The following SDK2 variants were observed in gnomAD, a reference collection of about 807,000 sequenced individuals.
SDK2 encodes the protein sidekick cell adhesion molecule 2.
In SDK2, 105 loss-of-function variants were observed where a neutral mutation model predicts 253.9. That is an observed-to-expected ratio of 0.41 (90% CI 0.35 to 0.49). The LOEUF is 0.49. Among genes scored for constraint, SDK2 ranks in the 20% least tolerant of loss-of-function variants. The probability of loss-of-function intolerance (pLI) is 0.06; values close to 1 mark genes in which losing one functional copy is unlikely to be tolerated. For missense variants in SDK2, 2,608 were observed against 3,003.0 expected, an observed-to-expected ratio of 0.87 and a Z score of 3.07; for synonymous variants, 1,249 against 1,234.9, an observed-to-expected ratio of 1.01 and a Z score of -0.24.
chr17:73,392,563 C>T (rs1162583260), intron 27 of SDK2, among the ~76,000 whole-genome samples: 1 of 152,168 alleles, frequency 6.6e-6, no homozygotes, highest in African/African-American at 2.4e-5. Context: ...GCCACCACGC[C>T]CAGCCTGAGA....
chr17:73,419,301 G>C lies in SDK2; in HGVS notation c.2051C>G (p.Ser684Cys), dbSNP rs147914991. The change falls in exon 16 of 45, where the codon TCC (serine) becomes TGC (cysteine). Residue 684 changes from serine to cysteine, a missense_variant. Coordinates refer to ENST00000392650, the MANE Select transcript of SDK2 (RefSeq NM_001144952.2). ...GQFSKDTERV[S>C]LPEEPPTAPP... ...GGCCGTGGGGGGCTCCTCGGGGAGG[G>C]AGACCCTGGATCACAAAACACCAAT... 1 of 1,611,678 alleles carries C rather than the reference G, an allele frequency of 6.2e-7. No individual in the cohort carries two copies. Among genetic ancestry groups the C allele is most frequent in the Non-Finnish European group, 8.5e-7 (1 of 1,179,540 alleles).
intron 1 of SDK2, among the ~76,000 whole-genome samples, chr17:73,510,110 A>G (rs2063968973): frequency 2.0e-5 from 3 of 151,794 alleles, no homozygotes; most frequent in Admixed American, 1.3e-4. Flanking sequence ...CCCAGGACCC[A>G]GGTCTATCCT....
chr17:73,589,243 C>T (rs1164019091), intron 1 of SDK2, among the ~76,000 whole-genome samples: 1 of 152,282 alleles, frequency 6.6e-6, no homozygotes, highest in Non-Finnish European at 1.5e-5. Flanking sequence ...GATGAATGCA[C>T]GTGAGTGCAG....
chr17:73,605,716 G>A (rs913792376), intron 1 of SDK2, among the ~76,000 whole-genome samples: 4 of 151,950 alleles, frequency 2.6e-5, no homozygotes, highest in African/African-American at 9.7e-5. Context: ...CCTTGGCACC[G>A]GGATGACCTG....
chr17:73,579,206 C>T (rs1011624390), intron 1 of SDK2, among the ~76,000 whole-genome samples: 6 of 152,208 alleles, frequency 3.9e-5, no homozygotes, highest in South Asian at 4.1e-4. Flanking sequence ...ACTCATCCTC[C>T]GCAGTCTCCC....
At chr17:73,562,375 TG>T (rs2045248922) in intron 1 of SDK2, among the ~76,000 whole-genome samples, 2 of 151,952 alleles carry the variant, frequency 1.3e-5, no homozygotes, top group African/African-American at 4.9e-5. Context: ...TACTGAATTT[TG>T]GGAGCACCCC....
intron 8 of SDK2, 128 bp downstream of exon 8, chr17:73,437,611 C>A: frequency 1.2e-6 from 1 of 821,174 alleles, no homozygotes; most frequent in South Asian, 1.5e-5. Flanking sequence ...GCTCAGACAG[C>A]CAGACAGACT....
At chr17:73,540,858 G>T (rs2044857574) in intron 1 of SDK2, among the ~76,000 whole-genome samples, 1 of 152,232 alleles carries the variant, frequency 6.6e-6, no homozygotes, top group Admixed American at 6.5e-5. Flanking sequence ...GAAGGCAGGT[G>T]AGCACTTGAC....
intron 1 of SDK2, among the ~76,000 whole-genome samples, chr17:73,544,679 C>T (rs1054869465): frequency 3.3e-5 from 5 of 152,138 alleles, no homozygotes; most frequent in African/African-American, 9.7e-5. Context: ...AGATTCAAGT[C>T]GCATCATGTC....
chr17:73,340,685 G>GAA (rs773423245), intron 44 of SDK2, among the ~76,000 whole-genome samples: 68 of 128,484 alleles, frequency 5.3e-4, no homozygotes, highest in Admixed American at 1.3e-3. Context: ...CTAAGCATGA[G>GAA]AAAAATCTAA....
intron 1 of SDK2, chr17:73,517,261 AAT>A (rs1215191415): frequency 2.6e-5 from 4 of 152,280 alleles, no homozygotes; most frequent in African/African-American, 9.6e-5. Flanking sequence ...TATTGGGTTG[AAT>A]ATGTCTCCCC....
chr17:73,504,189 CGTGCGTGTGT>C (rs1444240025), intron 2 of SDK2, among the ~76,000 whole-genome samples: 7 of 89,564 alleles, frequency 7.8e-5, no homozygotes, highest in East Asian at 6.1e-4. Context: ...TGGAGCAGTG[CGTGCGTGTGT>C]GTGTGTGTGT....
rs757467978 is a variant in SDK2, at chr17:73,433,825, C to G, written c.1219G>C (p.Gly407Arg). 1 of 1,583,238 alleles carries G rather than the reference C, an allele frequency of 6.3e-7. No individual in the cohort carries two copies. The highest frequency in any genetic ancestry group is 1.2e-5 in the South Asian group (1 of 84,932). The stretch of plus-strand genomic sequence containing the variant: ...TCGATCACCGTGCTGTCCAGGGGGC[C>G]TCTGGTGATGTTAGGGGCGATGCCT... Reference protein sequence around the residue: ...VTSIAPNITRGPLDSTVIDGM... With the variant: ...VTSIAPNITRRPLDSTVIDGM... Residue 407 changes from glycine (G) to arginine (R), a missense_variant, in exon 10 of 45, where the codon GGC becomes CGC. Physicochemically the swap from Gly to Arg is moderately radical, Grantham distance 125 (BLOSUM62 -2). This residue lies in a region of SDK2 where 1,505 missense variants were observed against 1,859.1 expected (regional missense o/e 0.81). Transcript: ENST00000392650.
At chr17:73,448,853 G>T (rs927096043) in intron 4 of SDK2, among the ~76,000 whole-genome samples, 2 of 151,952 alleles carry the variant, frequency 1.3e-5, no homozygotes, top group African/African-American at 2.4e-5. Context: ...TAAAGACAGG[G>T]TTTTGCTATG....
intron 4 of SDK2, among the ~76,000 whole-genome samples, chr17:73,454,860 T>C (rs1050621682): frequency 6.6e-6 from 1 of 152,096 alleles, no homozygotes; most frequent in Non-Finnish European, 1.5e-5. Context: ...CCTGCCACCA[T>C]GCCCAGCTAA....
intron 1 of SDK2, among the ~76,000 whole-genome samples, chr17:73,588,737 G>A (rs1447315997): frequency 6.6e-6 from 1 of 152,230 alleles, no homozygotes; most frequent in East Asian, 1.9e-4. Context: ...GGCCCAAAGT[G>A]TCAGTAGTGC....
At chr17:73,558,923 C>T (rs559772012) in intron 1 of SDK2, among the ~76,000 whole-genome samples, 3 of 152,198 alleles carry the variant, frequency 2.0e-5, no homozygotes, top group Non-Finnish European at 4.4e-5. Context: ...GGAGAGAAAA[C>T]GCCTGCCTCC....
chr17:73,493,319 G>A (rs994887110), intron 2 of SDK2, among the ~76,000 whole-genome samples: 4 of 152,172 alleles, frequency 2.6e-5, no homozygotes, highest in South Asian at 2.1e-4. Flanking sequence ...AGCTTTCCTC[G>A]GGAGCCTTTC....
At position 73,609,054 on chromosome 17, in the gene SDK2, G is replaced by A. The variant is rs974621253; in HGVS notation, c.64+34971C>T. 1.3e-5 allele frequency among the ~76,000 whole-genome samples: 2 copies of A among 152,250 alleles called. No homozygotes were observed. The highest frequency in any genetic ancestry group is 2.4e-5 in the African/African-American group (1 of 41,474). On this transcript the variant is annotated intron_variant, in intron 1 of 44. Coordinates refer to ENST00000392650, the MANE Select transcript of SDK2 (RefSeq NM_001144952.2). The surrounding 1 kb of genome is among the most constrained non-coding windows in gnomAD (Gnocchi z 4.4). Reference sequence around the variant, plus strand: ...GGTTAGCCTTGAGGTTTGGGCTGCAGATCACTGCATCTTGGCATTGACCTC... The same window carrying A: ...GGTTAGCCTTGAGGTTTGGGCTGCAAATCACTGCATCTTGGCATTGACCTC...
Sources: allele counts gnomAD v4.1 joint callset (sites outside exome capture counted in the v4.1 genomes callset), GRCh38; gene constraint gnomAD v4.1.1; regional missense constraint gnomAD v4.1.1; non-coding constraint Gnocchi (gnomAD v3.1); transcripts MANE v1.5; gene names NCBI Gene and HGNC (gene_info 2026-07-23, HGNC 2026-07-21).